The following ATL2 variants were observed in gnomAD, a reference collection of about 807,000 sequenced individuals.
ATL2 encodes the protein atlastin GTPase 2.
Under a neutral mutation model 73.9 loss-of-function variants are expected in ATL2, and 31 were observed. That is an observed-to-expected ratio of 0.42 (90% CI 0.32 to 0.57). The LOEUF is 0.57. Among genes scored for constraint, ATL2 ranks in the 20% least tolerant of loss-of-function variants. ATL2 has a pLI of 0.14. For missense variants in ATL2, 738 were observed against 702.6 expected, an observed-to-expected ratio of 1.05 and a Z score of -0.57; for synonymous variants, 291 against 237.5, an observed-to-expected ratio of 1.23 and a Z score of -2.07.
At chr2:38,326,776 T>C (rs1442612701) in intron 2 of ATL2, among the ~76,000 whole-genome samples, 2 of 151,890 alleles carry the variant, frequency 1.3e-5, no homozygotes, top group Non-Finnish European at 2.9e-5. Context: ...TCACTTGAGG[T>C]CTGGAGTTCG....
chr2:38,309,406 A>G lies in ATL2; in HGVS notation c.1044T>C (p.Thr348=). ...TAAAATATTCTACAAGATCTCTACA[A>G]GTGACTTTAGATCCACTTATCTCTT... ...VEKEISGSKV[T]CRDLVEYFKA... Residue 348 remains threonine, a synonymous_variant, in exon 9 of 13, where the codon ACT becomes ACC. Transcript: ENST00000378954. 1 of 1,611,442 alleles carries G rather than the reference A, an allele frequency of 6.2e-7. No homozygotes were observed.
chr2:38,300,143 C>CCT, intron 10 of ATL2, 129 bp downstream of exon 10: 1 of 759,534 alleles, frequency 1.3e-6, no homozygotes, highest in Non-Finnish European at 2.1e-6. Flanking sequence ...ACACATACGG[C>CCT]CTTAAGCAAA....
At chr2:38,376,135 A>G (rs776105547) in intron 1 of ATL2, 16 of 1,529,980 alleles carry the variant, frequency 1.0e-5, no homozygotes, top group Non-Finnish European at 1.3e-5. Flanking sequence ...GGCTTTTACT[A>G]TTTATAAGCC....
upstream of ATL2, among the ~76,000 whole-genome samples, chr2:38,377,697 C>T (rs890626191): frequency 1.3e-5 from 2 of 152,316 alleles, no homozygotes; most frequent in East Asian, 1.9e-4. Flanking sequence ...GCGTCCTGCA[C>T]GTGAGGTGGC....
chr2:38,325,848 CA>C (rs2148451445), intron 2 of ATL2, among the ~76,000 whole-genome samples: 1 of 148,996 alleles, frequency 6.7e-6, no homozygotes, highest in Admixed American at 6.7e-5. Flanking sequence ...TTAAATTAGC[CA>C]ACTCCAGCCC....
intron 2 of ATL2, among the ~76,000 whole-genome samples, chr2:38,334,553 C>G (rs2148467615): frequency 6.6e-6 from 1 of 151,418 alleles, no homozygotes; most frequent in Admixed American, 6.6e-5. Flanking sequence ...ACAAAATTAG[C>G]CGGGCGTAGT....
At chr2:38,335,977 C>G (rs1453218001) in intron 2 of ATL2, among the ~76,000 whole-genome samples, 1 of 152,178 alleles carries the variant, frequency 6.6e-6, no homozygotes, top group Non-Finnish European at 1.5e-5. Flanking sequence ...CAGTGAGCCA[C>G]TGCACTCCAG....
intron 2 of ATL2, among the ~76,000 whole-genome samples, chr2:38,337,420 A>C (rs1447074825): frequency 2.3e-5 from 3 of 132,964 alleles, no homozygotes; most frequent in Admixed American, 1.8e-4. Context: ...CAGGAGGCAG[A>C]GGTTGCAGTG....
chr2:38,355,700 G>A (rs1040090176), intron 1 of ATL2, among the ~76,000 whole-genome samples: 1 of 137,704 alleles, frequency 7.3e-6, no homozygotes, highest in African/African-American at 3.1e-5. Flanking sequence ...CATTTGTTTG[G>A]TTCTTTTTTT....
intron 1 of ATL2, among the ~76,000 whole-genome samples, chr2:38,365,170 C>CACACACACACACAT (rs1671247841): frequency 7.6e-6 from 1 of 130,834 alleles, no homozygotes; most frequent in South Asian, 2.2e-4. Flanking sequence ...CACACAAATA[C>CACACACACACACAT]ACACACACAC....
intron 1 of ATL2, among the ~76,000 whole-genome samples, chr2:38,356,456 G>A (rs1162655970): frequency 6.6e-6 from 1 of 152,102 alleles, no homozygotes; most frequent in African/African-American, 2.4e-5. Context: ...GCCTCCCAAA[G>A]TGCTGGGATT....
Position 38,299,285 on chromosome 2 carries a change from T to C in ATL2, c.1171A>G (p.Arg391Gly). Residue 391 changes from arginine to glycine, a missense_variant, in exon 11 of 13, where the codon AGA (arginine) becomes GGA (glycine). Transcript: ENST00000378954. ...ANNLAAVAGARDTYCKSMEQV... is the reference protein window; with the variant it reads ...ANNLAAVAGAGDTYCKSMEQV... Reference sequence around the variant, plus strand: ...TCCATACTTTTACAATAGGTATCTCTTGCTCCTGCTACTGCAGCAAGATTA... The same window carrying C: ...TCCATACTTTTACAATAGGTATCTCCTGCTCCTGCTACTGCAGCAAGATTA... 5.3e-6 allele frequency: 8 copies of C among 1,518,150 alleles called. No homozygotes were observed. Among genetic ancestry groups the C allele is most frequent in the Non-Finnish European group, 7.0e-6 (8 of 1,144,938 alleles). The allele number at this position is 1,518,150 out of a possible 1,614,324, so 94.0% of individuals were successfully genotyped here.
chr2:38,368,393 C>G (rs1005107282), intron 1 of ATL2, among the ~76,000 whole-genome samples: 7 of 152,020 alleles, frequency 4.6e-5, no homozygotes, highest in Non-Finnish European at 8.8e-5. Flanking sequence ...GCTGGGATTA[C>G]AGGCATGTGC....
chr2:38,376,175 A>G (rs930558831), intron 1 of ATL2: 7 of 1,524,160 alleles, frequency 4.6e-6, no homozygotes, highest in Middle Eastern at 1.7e-4. Flanking sequence ...TTTCTTAAGT[A>G]CCATCAAAAT....
chr2:38,296,599 T>A (rs773741290), intron 12 of ATL2: 2 of 1,613,306 alleles, frequency 1.2e-6, no homozygotes, highest in Non-Finnish European at 8.5e-7. Context: ...ACCTAAAACA[T>A]GAAGTGATTT....
chr2:38,377,298 A>T, upstream of ATL2: 2 of 1,484,312 alleles, frequency 1.3e-6, no homozygotes, highest in Non-Finnish European at 1.8e-6. Flanking sequence ...ACTGACGTCA[A>T]ACGCCGCCGC....
intron 7 of ATL2, among the ~76,000 whole-genome samples, chr2:38,312,819 G>A (rs937431081): frequency 1.3e-5 from 2 of 151,992 alleles, no homozygotes; most frequent in African/African-American, 4.8e-5. Flanking sequence ...GGAACTGTGA[G>A]TCAATTAAAC....
intron 2 of ATL2, among the ~76,000 whole-genome samples, chr2:38,322,187 T>C (rs1472068392): frequency 6.9e-6 from 1 of 145,074 alleles, no homozygotes; most frequent in African/African-American, 2.8e-5. Context: ...TCCCCCACAA[T>C]GTCAAAAAAA....
chr2:38,328,174 A>C (rs1573494279), intron 2 of ATL2, among the ~76,000 whole-genome samples: 1 of 152,330 alleles, frequency 6.6e-6, no homozygotes, highest in Admixed American at 6.5e-5. Flanking sequence ...GTTGCATTAC[A>C]CCAAAATATG....
Sources: gnomAD v4.1 joint callset for allele counts (sites outside exome capture counted in the v4.1 genomes callset) on GRCh38, gnomAD v4.1.1 for gene constraint, MANE v1.5 for transcripts, NCBI Gene and HGNC (gene_info 2026-07-23, HGNC 2026-07-21) for gene names.